Variants in ADAMTS6 observed in about 807,000 individuals in gnomAD.
ADAMTS6 encodes the protein ADAM metallopeptidase with thrombospondin type 1 motif 6.
In ADAMTS6, 23 loss-of-function variants were observed where a neutral mutation model predicts 144.3. That is an observed-to-expected ratio of 0.16 (90% CI 0.11 to 0.23). The LOEUF is 0.23. Ranked by LOEUF, ADAMTS6 falls within the 10% of genes least tolerant of loss-of-function variation. The pLI is 1.00. For synonymous variants in ADAMTS6, 444 were observed against 457.5 expected (o/e 0.97, Z 0.38); for missense variants, 999 against 1,379.6 (o/e 0.72, Z 4.37).
rs186340671 is a variant in ADAMTS6 at position 65,285,557 on chromosome 5, A to G, written c.1512+5772T>C. On this transcript the variant is annotated intron_variant, in intron 11 of 24. Transcript: ENST00000381055. ...AACAAATATTAATTGAGCACCTACC[A>G]TGAGCCAGGCACTGTTCTAGCCACT... is the stretch of plus-strand genomic sequence containing the variant. Among the ~76,000 whole-genome samples, 67 of 152,288 alleles carry G rather than the reference A, an allele frequency of 4.4e-4. No individual in the cohort carries two copies. The East Asian group carries it at 0.011, about 24-fold the overall frequency.
intron 10 of ADAMTS6, among the ~76,000 whole-genome samples, chr5:65,297,415 C>A (rs1478167998): frequency 6.6e-6 from 1 of 152,124 alleles, no homozygotes; most frequent in Admixed American, 6.5e-5. Flanking sequence ...TTGTTAAAAT[C>A]CACCATCATC....
At chr5:65,338,000 C>T (rs1383429921) in intron 7 of ADAMTS6, among the ~76,000 whole-genome samples, 1 of 152,186 alleles carries the variant, frequency 6.6e-6, no homozygotes, top group African/African-American at 2.4e-5. Flanking sequence ...ACTACTAAAT[C>T]CTTACCAACC....
chr5:65,327,879 A>G (rs10079769), intron 9 of ADAMTS6, among the ~76,000 whole-genome samples: 3,251 of 152,302 alleles, frequency 0.021, 105 homozygotes, highest in African/African-American at 0.074. Flanking sequence ...CACCCACTGT[A>G]TGTTACTTTT....
chr5:65,278,943 CTTT>C (rs59600636), intron 11 of ADAMTS6, among the ~76,000 whole-genome samples: 1,824 of 131,996 alleles, frequency 0.014, 31 homozygotes, highest in African/African-American at 0.045. Context: ...TCTTTACAGT[CTTT>C]TTTTTTTTTT....
intron 20 of ADAMTS6, among the ~76,000 whole-genome samples, chr5:65,202,736 T>G (rs1755815713): frequency 6.6e-6 from 1 of 152,222 alleles, no homozygotes; most frequent in Admixed American, 6.5e-5. Flanking sequence ...ATAGCCAAAC[T>G]CTTTTCATAG....
chr5:65,164,865 C>T, intron 24 of ADAMTS6, among the ~76,000 whole-genome samples: 1 of 135,392 alleles, frequency 7.4e-6, no homozygotes, highest in African/African-American at 2.9e-5. Flanking sequence ...GACATCCACA[C>T]TGAAAACCCA....
chr5:65,389,660 C>T lies in ADAMTS6; in HGVS notation c.1074-55575G>A, dbSNP rs569307107. On this transcript the variant is annotated intron_variant, in intron 7 of 24. Transcript: ENST00000381055. ...GCCAGCTGTTAGTAAAATTTAGTAC[C>T]CATCCTTTTTTCCCCCCTATACATT... Among the ~76,000 whole-genome samples the T allele has an allele frequency of 5.3e-5, 8 of 150,530 alleles. No homozygotes were observed. In the South Asian group the frequency reaches 1.5e-3, roughly 28 times the overall value.
In ADAMTS6 at chr5:65,151,747, G is replaced by A. The variant is rs898621403; in HGVS notation, c.*89C>T. 8.7e-7 allele frequency: 1 copy of A among 1,150,558 alleles called. No individual in the cohort carries two copies. The highest frequency in any genetic ancestry group is 1.8e-5 in the Admixed American group (1 of 55,828). 71.3% of individuals were successfully genotyped at this position (1,150,558 alleles called of 1,614,324 possible). On this transcript the variant is annotated 3_prime_UTR_variant, in exon 25 of 25. Transcript: ENST00000381055. ...TTCCACAGGGTAATGCATTTGCAAG[G>A]ACATCAATCCTCTTCCTCTGGGTGG...
intron 7 of ADAMTS6, among the ~76,000 whole-genome samples, chr5:65,386,381 C>A (rs887957866): frequency 2.6e-5 from 4 of 152,064 alleles, no homozygotes; most frequent in African/African-American, 9.7e-5. Flanking sequence ...TATCCTTGTA[C>A]ACAAATCTTT....
intron 22 of ADAMTS6, among the ~76,000 whole-genome samples, chr5:65,179,262 G>A (rs1239719724): frequency 6.6e-6 from 1 of 152,122 alleles, no homozygotes; most frequent in Non-Finnish European, 1.5e-5. Flanking sequence ...GTTATTATAA[G>A]TGTACCAGGA....
chr5:65,459,716 T>C, intron 4 of ADAMTS6, among the ~76,000 whole-genome samples: 1 of 152,166 alleles, frequency 6.6e-6, no homozygotes, highest in Non-Finnish European at 1.5e-5. Flanking sequence ...AAGTCTAAGT[T>C]TGTTGCCCGT....
intron 7 of ADAMTS6, among the ~76,000 whole-genome samples, chr5:65,398,735 GAA>G (rs1292687804): frequency 1.7e-4 from 25 of 149,588 alleles, no homozygotes; most frequent in African/African-American, 6.2e-4. Context: ...GAGAGAGAGA[GAA>G]AGAGAGATAA....
chr5:65,170,671 A>T lies in ADAMTS6; in HGVS notation c.3190T>A (p.Ser1064Thr), dbSNP rs770571877. 2 of 1,614,146 alleles carry T rather than the reference A, an allele frequency of 1.2e-6. No individual in the cohort carries two copies. Among genetic ancestry groups the T allele is most frequent in the South Asian group, 2.2e-5 (2 of 91,072 alleles). ...SDCLETVRPP[S>T]MQQCESKCDS... ...CATTTGCTTTCACACTGCTGCATTG[A>T]TGGAGGCCGAACAGTTTCTAGACAG... Residue 1064 changes from serine to threonine, a missense_variant, in exon 24 of 25, where the codon TCA (serine) becomes ACA (threonine). Transcript: ENST00000381055.
chr5:65,280,655 A>G (rs960096522), intron 11 of ADAMTS6, among the ~76,000 whole-genome samples: 1 of 152,214 alleles, frequency 6.6e-6, no homozygotes, highest in South Asian at 2.1e-4. Context: ...TTCTGATCAC[A>G]TAAGTACATG....
At chr5:65,306,758 A>G (rs1477991393) in intron 9 of ADAMTS6, among the ~76,000 whole-genome samples, 1 of 152,204 alleles carries the variant, frequency 6.6e-6, no homozygotes, top group East Asian at 1.9e-4. Context: ...AGTAGGTATA[A>G]TTTGCCTTTA....
intron 3 of ADAMTS6, 100 bp downstream of exon 3, chr5:65,470,678 C>CTG: frequency 1.1e-6 from 1 of 941,930 alleles, no homozygotes; most frequent in Non-Finnish European, 1.4e-6. Flanking sequence ...CTTAAACTAC[C>CTG]TATATATATA....
chr5:65,215,063 T>G, intron 19 of ADAMTS6, 131 bp from the exon 20 acceptor site: 1 of 1,211,276 alleles, frequency 8.3e-7, no homozygotes, highest in Non-Finnish European at 1.1e-6. Context: ...CACATGCATT[T>G]ATATCAAATT....
intron 24 of ADAMTS6, among the ~76,000 whole-genome samples, chr5:65,159,364 T>C (rs1752617089): frequency 6.6e-6 from 1 of 152,186 alleles, no homozygotes; most frequent in Non-Finnish European, 1.5e-5. Flanking sequence ...GATAGAGTCC[T>C]AGCTTCCTTC....
intron 22 of ADAMTS6, among the ~76,000 whole-genome samples, chr5:65,178,236 A>C (rs1754102905): frequency 6.6e-6 from 1 of 152,146 alleles, no homozygotes. Flanking sequence ...CATTTCATCA[A>C]TCAGAGGGAG....
Sources: gnomAD v4.1 joint callset for allele counts (sites outside exome capture counted in the v4.1 genomes callset) on GRCh38, gnomAD v4.1.1 for gene constraint, MANE v1.5 for transcripts, NCBI Gene and HGNC (gene_info 2026-07-23, HGNC 2026-07-21) for gene names.